SLC28A1: variants seen among roughly 807,000 people sequenced by gnomAD.
SLC28A1 encodes the protein sodium/nucleoside cotransporter 1.
A neutral mutation model predicts 74.8 loss-of-function variants in SLC28A1; 64 were observed. The ratio of observed to expected loss-of-function variants is 0.86; its 90% CI spans 0.70 to 1.05. The LOEUF (loss-of-function observed/expected upper bound fraction) is 1.05. SLC28A1 is among the 50% of genes least tolerant of loss of function. The pLI is 0.00. For missense variants in SLC28A1, 828 were observed against 822.8 expected (o/e 1.01, Z -0.08); for synonymous variants, 359 against 335.0 (o/e 1.07, Z -0.78).
intron 6 of SLC28A1, among the ~76,000 whole-genome samples, chr15:84,898,638 G>C (rs1329170770): frequency 1.3e-5 from 2 of 151,064 alleles, no homozygotes; most frequent in African/African-American, 4.9e-5. Context: ...TGTGGTAACA[G>C]AGACCAGGTT....
the SLC28A1 span, among the ~76,000 whole-genome samples, chr15:84,969,829 T>A: frequency 6.6e-6 from 1 of 152,152 alleles, no homozygotes; most frequent in Admixed American, 6.5e-5. Context: ...ATGCCACACA[T>A]GTATGGCATA....
rs1227225869 is a variant in SLC28A1 at position 84,928,563 on chromosome 15, T to G, written c.1083+4453T>G. ...CTTTCTTTCTTTCTTTCTTTCTTTC[T>G]TTCTTTCTTTCTTTCTTTCTTTCTT... On this transcript the variant is annotated intron_variant, in intron 12 of 18. Transcript: ENST00000394573. 2.9e-4 allele frequency among the ~76,000 whole-genome samples: 7 copies of G among 24,072 alleles called. 2 individuals are homozygous for G. Among genetic ancestry groups the G allele is most frequent in the Non-Finnish European group, 4.7e-4 (7 of 15,048 alleles). 15.8% of individuals were successfully genotyped at this position (24,072 alleles called of 152,430 possible).
At chr15:84,924,706 C>A (rs187628183) in intron 12 of SLC28A1, among the ~76,000 whole-genome samples, 1 of 152,148 alleles carries the variant, frequency 6.6e-6, no homozygotes, top group Non-Finnish European at 1.5e-5. Context: ...ACATAATGCC[C>A]GGTAATAATG....
intron 10 of SLC28A1, among the ~76,000 whole-genome samples, chr15:84,920,088 G>A (rs1212554431): frequency 6.6e-6 from 1 of 152,158 alleles, no homozygotes; most frequent in Non-Finnish European, 1.5e-5. Context: ...TAGGCAAAGG[G>A]CAACCTGAGA....
intron 6 of SLC28A1, among the ~76,000 whole-genome samples, chr15:84,902,051 A>T (rs1966736247): frequency 6.6e-6 from 1 of 152,268 alleles, no homozygotes; most frequent in Non-Finnish European, 1.5e-5. Context: ...CTAGTGAATC[A>T]TGCAGAAACC....
At chr15:84,917,375 C>T (rs1969260487) in intron 9 of SLC28A1, among the ~76,000 whole-genome samples, 1 of 152,202 alleles carries the variant, frequency 6.6e-6, no homozygotes, top group Non-Finnish European at 1.5e-5. Context: ...CCTGCTGTTG[C>T]TGGCCTCTTG....
At chr15:84,915,397 G>T (rs1307315122) in intron 9 of SLC28A1, among the ~76,000 whole-genome samples, 1 of 152,206 alleles carries the variant, frequency 6.6e-6, no homozygotes, top group East Asian at 1.9e-4. Context: ...TGTAATCCCA[G>T]TTCACTTTGA....
At chr15:84,941,525 C>T (rs77246660) in intron 15 of SLC28A1, among the ~76,000 whole-genome samples, 1 of 151,558 alleles carries the variant, frequency 6.6e-6, no homozygotes, top group Admixed American at 6.6e-5. Flanking sequence ...TTTTTTTTAA[C>T]ATAGATTTTA....
At chr15:84,942,022 C>G (rs1031764908) in intron 15 of SLC28A1, among the ~76,000 whole-genome samples, 2 of 152,028 alleles carry the variant, frequency 1.3e-5, no homozygotes, top group Non-Finnish European at 2.9e-5. Context: ...ATAATAGTAC[C>G]TTGTAACTAT....
downstream of SLC28A1, among the ~76,000 whole-genome samples, chr15:84,946,084 T>TTGTATATATATATATA (rs1567196223): frequency 3.6e-5 from 1 of 27,526 alleles, no homozygotes; most frequent in African/African-American, 1.6e-4. Flanking sequence ...GTGTGTATGT[T>TTGTATATATATATATA]CATATATATA....
the SLC28A1 span, among the ~76,000 whole-genome samples, chr15:84,957,411 C>T: frequency 3.3e-5 from 5 of 152,138 alleles, no homozygotes; most frequent in African/African-American, 9.7e-5. Context: ...GGAGTACAGG[C>T]GAACGCCACC....
intron 8 of SLC28A1, among the ~76,000 whole-genome samples, chr15:84,908,496 C>A (rs1967606131): frequency 1.3e-5 from 2 of 152,064 alleles, no homozygotes; most frequent in Middle Eastern, 6.8e-3. Context: ...CAGAGCATAT[C>A]TTTAAAATTG....
the SLC28A1 span, among the ~76,000 whole-genome samples, chr15:84,970,019 A>G: frequency 6.6e-6 from 1 of 152,216 alleles, no homozygotes; most frequent in African/African-American, 2.4e-5. Flanking sequence ...CTTAAACAAC[A>G]AAGATGTATT....
intron 6 of SLC28A1, among the ~76,000 whole-genome samples, chr15:84,901,527 CAAACAAACAAA>C (rs986841745): frequency 6.1e-5 from 8 of 131,424 alleles, no homozygotes; most frequent in African/African-American, 1.0e-4. Context: ...AAAAAACAAA[CAAACAAACAAA>C]AAACAAAAAA....
chr15:84,917,090 G>T (rs1475689181), intron 9 of SLC28A1, among the ~76,000 whole-genome samples: 3 of 140,062 alleles, frequency 2.1e-5, no homozygotes, highest in East Asian at 4.4e-4. Context: ...AAAGAAAAAA[G>T]AAAACAACAT....
chr15:84,970,525 G>A, the SLC28A1 span, among the ~76,000 whole-genome samples: 9 of 152,266 alleles, frequency 5.9e-5, no homozygotes, highest in East Asian at 1.5e-3. Context: ...TGTCTTTTAC[G>A]GCTCAGCTCC....
intron 9 of SLC28A1, among the ~76,000 whole-genome samples, chr15:84,912,806 GCACACACACACACACACACA>G (rs199525878): frequency 8.9e-6 from 1 of 112,202 alleles, no homozygotes; most frequent in South Asian, 2.5e-4. Context: ...TTGCGCGCGC[GCACACACACACACACACACA>G]CACACACACA....
At chr15:84,921,102 T>G (rs1476902543) in intron 11 of SLC28A1, 33 bp downstream of exon 11, 1 of 1,523,766 alleles carries the variant, frequency 6.6e-7, no homozygotes, top group African/African-American at 1.4e-5. Context: ...CTCATGCTCA[T>G]CAGCAGCTTC....
At chr15:84,962,364 G>A in the SLC28A1 span, among the ~76,000 whole-genome samples, 6 of 152,194 alleles carry the variant, frequency 3.9e-5, no homozygotes, top group African/African-American at 1.4e-4. Flanking sequence ...GTGAGCCACT[G>A]CACCCAGCCT....
Sources: allele counts gnomAD v4.1 joint callset (sites outside exome capture counted in the v4.1 genomes callset), GRCh38; gene constraint gnomAD v4.1.1; transcripts MANE v1.5; gene names NCBI Gene and HGNC (gene_info 2026-07-23, HGNC 2026-07-21).